CCDC12: variants seen among roughly 807,000 people sequenced by gnomAD.
CCDC12 encodes the protein coiled-coil domain-containing protein 12.
In CCDC12, 28 loss-of-function variants were observed where a neutral mutation model predicts 25.7. The ratio of observed to expected loss-of-function variants is 1.09; its 90% confidence interval spans 0.81 to 1.50. The LOEUF is 1.50. CCDC12 is among the 40% of genes most tolerant of loss of function. CCDC12 has a pLI of 0.00. For synonymous variants in CCDC12, 75 were observed against 87.7 expected, an observed-to-expected ratio of 0.86 and a Z score of 0.81; for missense variants, 198 against 210.0, an observed-to-expected ratio of 0.94 and a Z score of 0.35.
intron 1 of CCDC12, among the ~76,000 whole-genome samples, chr3:46,944,146 A>T (rs1260581375): frequency 1.3e-5 from 2 of 152,174 alleles, no homozygotes; most frequent in African/African-American, 4.8e-5. Flanking sequence ...CTAGGTCCTC[A>T]GTTTAAGCCA....
chr3:46,935,462 A>G (rs1031045155), intron 2 of CCDC12, among the ~76,000 whole-genome samples: 4 of 152,128 alleles, frequency 2.6e-5, no homozygotes, highest in African/African-American at 7.2e-5. Flanking sequence ...TCCATGGCAC[A>G]TATCAGCCAA....
intron 2 of CCDC12, among the ~76,000 whole-genome samples, chr3:46,938,125 A>G (rs1307705191): frequency 6.6e-6 from 1 of 152,238 alleles, no homozygotes; most frequent in African/African-American, 2.4e-5. Context: ...AGAGCAAAGC[A>G]GAAGAATATG....
intron 1 of CCDC12, 121 bp downstream of exon 1, chr3:46,976,516 C>G: frequency 4.1e-6 from 6 of 1,448,506 alleles, no homozygotes; most frequent in Non-Finnish European, 5.4e-6. Context: ...CATGCGTTAG[C>G]GCCCGCGCAT....
At chr3:46,925,202 T>C (rs1277320896) in intron 3 of CCDC12, 10 of 667,186 alleles carry the variant, frequency 1.5e-5, no homozygotes, top group Admixed American at 4.1e-5. Flanking sequence ...CCCACTCAGA[T>C]CCCTGGGAGG....
intron 1 of CCDC12, among the ~76,000 whole-genome samples, chr3:46,945,474 A>G (rs2033868255): frequency 6.6e-6 from 1 of 152,268 alleles, no homozygotes; most frequent in Admixed American, 6.5e-5. Flanking sequence ...GAAGCCTTTG[A>G]GGCAGGATTT....
intron 1 of CCDC12, chr3:46,975,883 T>C (rs1475211988): frequency 6.9e-6 from 1 of 144,042 alleles, no homozygotes; most frequent in Non-Finnish European, 1.5e-5. Flanking sequence ...TCTCGCTCTG[T>C]TGCCCAGGCT....
chr3:46,981,311 G>T (rs998306574), upstream of CCDC12, among the ~76,000 whole-genome samples: 1 of 152,122 alleles, frequency 6.6e-6, no homozygotes, highest in Admixed American at 6.5e-5. Flanking sequence ...GCGTGGTGGG[G>T]TGTGCCTGTA....
intron 1 of CCDC12, among the ~76,000 whole-genome samples, chr3:46,969,636 G>A (rs908470804): frequency 6.6e-6 from 1 of 152,194 alleles, no homozygotes; most frequent in Admixed American, 6.5e-5. Context: ...ATCAGCATCT[G>A]ATGGAGATAC....
At chr3:46,952,261 C>T (rs1243982410) in intron 1 of CCDC12, among the ~76,000 whole-genome samples, 1 of 152,164 alleles carries the variant, frequency 6.6e-6, no homozygotes, top group Non-Finnish European at 1.5e-5. Context: ...ACAGGAACTT[C>T]TGTTGTGTGA....
At chr3:46,976,789 A>C (rs372057949), upstream of CCDC12, 17 of 1,555,392 alleles carry the variant, frequency 1.1e-5, no homozygotes, top group Middle Eastern at 1.7e-4. Context: ...GCCTAAGGAG[A>C]GTGGATAAAT....
At chr3:46,972,868 A>G (rs2034846781) in intron 1 of CCDC12, among the ~76,000 whole-genome samples, 1 of 152,170 alleles carries the variant, frequency 6.6e-6, no homozygotes, top group East Asian at 1.9e-4. Flanking sequence ...GGGAATGTAA[A>G]TGGTGCAGCC....
intron 2 of CCDC12, among the ~76,000 whole-genome samples, chr3:46,938,405 A>G (rs1009505950): frequency 2.6e-5 from 4 of 151,872 alleles, no homozygotes; most frequent in Admixed American, 2.0e-4. Context: ...TCATTATGAT[A>G]TATCTCAGGC....
intron 2 of CCDC12, among the ~76,000 whole-genome samples, chr3:46,933,476 G>A (rs940255929): frequency 2.6e-5 from 4 of 152,154 alleles, no homozygotes; most frequent in African/African-American, 4.8e-5. Flanking sequence ...AGCAGCCAAC[G>A]GCTGTTCCAG....
chr3:46,972,975 C>G (rs143628526), intron 1 of CCDC12, among the ~76,000 whole-genome samples: 1 of 151,580 alleles, frequency 6.6e-6, no homozygotes, highest in African/African-American at 2.4e-5. Context: ...CCTCTCCCTG[C>G]TATATAAACC....
chr3:46,961,910 C>G (rs1198707378), intron 1 of CCDC12, among the ~76,000 whole-genome samples: 1 of 152,036 alleles, frequency 6.6e-6, no homozygotes, highest in Non-Finnish European at 1.5e-5. Context: ...GTCACTGATA[C>G]CCATATGGGG....
At chr3:46,976,950 G>T, upstream of CCDC12, 10 of 527,498 alleles carry the variant, frequency 1.9e-5, no homozygotes, top group South Asian at 4.4e-5. Flanking sequence ...AGTGGGTGGG[G>T]AGCCAGCAAA....
intron 5 of CCDC12, chr3:46,923,107 C>G (rs2032757664): frequency 7.2e-6 from 3 of 415,882 alleles, no homozygotes; most frequent in Non-Finnish European, 1.2e-5. Flanking sequence ...TCATGAGGGG[C>G]CTGCTGCTCC....
intron 2 of CCDC12, among the ~76,000 whole-genome samples, chr3:46,929,003 G>A (rs1192042952): frequency 2.0e-5 from 3 of 152,006 alleles, no homozygotes. Flanking sequence ...AAAAAAGCAG[G>A]GGGAAAAGAG....
chr3:46,937,400 A>C (rs1042294405), intron 2 of CCDC12, among the ~76,000 whole-genome samples: 1 of 152,066 alleles, frequency 6.6e-6, no homozygotes, highest in African/African-American at 2.4e-5. Flanking sequence ...CTCTCAGCAC[A>C]CTCCAGAATG....
Sources: gnomAD v4.1 joint callset for allele counts (sites outside exome capture counted in the v4.1 genomes callset) on GRCh38, gnomAD v4.1.1 for gene constraint, MANE v1.5 for transcripts, NCBI Gene and HGNC (gene_info 2026-07-23, HGNC 2026-07-21) for gene names.